ARHGAP29: variants seen among roughly 807,000 people sequenced by gnomAD.
ARHGAP29 encodes Rho GTPase activating protein 29.
A neutral mutation model predicts 122.6 loss-of-function variants in ARHGAP29; 43 were observed. The ratio of observed to expected loss-of-function variants is 0.35; its 90% CI spans 0.27 to 0.45. ARHGAP29 has a LOEUF of 0.45. ARHGAP29 is among the 20% of genes least tolerant of loss of function. The pLI, the probability that ARHGAP29 is intolerant of heterozygous loss-of-function variation, is 1.00. For synonymous variants in ARHGAP29, 506 were observed against 497.1 expected, an observed-to-expected ratio of 1.02 and a Z score of -0.24; for missense variants, 1,303 against 1,477.2, an observed-to-expected ratio of 0.88 and a Z score of 1.93.
chr1:94,217,834 G>A (rs987517782), intron 3 of ARHGAP29, among the ~76,000 whole-genome samples: 1 of 131,662 alleles, frequency 7.6e-6, no homozygotes, highest in African/African-American at 2.9e-5. Flanking sequence ...GGGCAACAGA[G>A]TGAGACCCTA....
At chr1:94,236,694 TAATTA>T (rs911072554) in intron 1 of ARHGAP29, among the ~76,000 whole-genome samples, 1 of 152,118 alleles carries the variant, frequency 6.6e-6, no homozygotes, top group African/African-American at 2.4e-5. Flanking sequence ...TTTTTTTTTT[TAATTA>T]AAACTGTCAA....
the ARHGAP29 span, among the ~76,000 whole-genome samples, chr1:94,313,488 G>A: frequency 1.3e-5 from 2 of 152,188 alleles, no homozygotes; most frequent in Non-Finnish European, 2.9e-5. Context: ...AACAACAGAT[G>A]CTGGAGAGGA....
rs1648744426 is a variant in ARHGAP29, at chr1:94,171,645, C to T, written c.*2224G>A. 1 of 152,222 alleles carries T rather than the reference C, an allele frequency of 6.6e-6. No individual in the cohort carries two copies. Among genetic ancestry groups the T allele is most frequent in the African/African-American group, 2.4e-5 (1 of 41,456 alleles). 9.4% of individuals were successfully genotyped at this position (152,222 alleles called of 1,614,324 possible). A position where few individuals can be genotyped will look rare whatever the true frequency, so the allele number is the denominator to read the frequency against. ...CAACCTCTTCTCAAGAGATACTTGC[C>T]TCAGGGCCCCAGGAAACTAGAAAGC... On this transcript the variant is annotated 3_prime_UTR_variant, in exon 23 of 23. Coordinates refer to ENST00000260526, the MANE Select transcript of ARHGAP29 (RefSeq NM_004815.4).
chr1:94,202,256 T>C (rs1650894683), intron 11 of ARHGAP29: 3 of 547,748 alleles, frequency 5.5e-6, no homozygotes, highest in Admixed American at 7.2e-5. Flanking sequence ...AACTTTCTTG[T>C]CAAGTAAAAT....
chr1:94,274,858 A>G (rs1355851792), intron 1 of ARHGAP29, among the ~76,000 whole-genome samples: 2 of 152,238 alleles, frequency 1.3e-5, no homozygotes, highest in Admixed American at 6.5e-5. Flanking sequence ...GGCCCTTTAC[A>G]GTCTCATGAA....
At chr1:94,213,340 C>T (rs1246112888) in intron 3 of ARHGAP29, among the ~76,000 whole-genome samples, 4 of 152,070 alleles carry the variant, frequency 2.6e-5, no homozygotes, top group African/African-American at 4.8e-5. Context: ...CCACCAGGCC[C>T]GGCCAATTTT....
At chr1:94,236,566 T>A (rs867129590) in intron 1 of ARHGAP29, among the ~76,000 whole-genome samples, 3 of 152,104 alleles carry the variant, frequency 2.0e-5, no homozygotes, top group Non-Finnish European at 2.9e-5. Context: ...CCGAAAACAT[T>A]TGGGGCCAAT....
At position 94,174,610 on chromosome 1, in the gene ARHGAP29, A is replaced by C. The variant is rs779093680; in HGVS notation, c.3045T>G (p.Ile1015Met). 27 of 1,614,170 alleles carry C rather than the reference A, an allele frequency of 1.7e-5. No homozygotes were observed. The highest frequency in any genetic ancestry group is 2.1e-5 in the Non-Finnish European group (25 of 1,180,032). ...NVERHTPRTKIRPVSLPVDRL... is the reference protein window; with the variant it reads ...NVERHTPRTKMRPVSLPVDRL... The stretch of plus-strand genomic sequence containing the variant: ...TATCTACAGGCAAACTTACAGGTCT[A>C]ATCTTGGTCCTTGGAGTATGCCTCT... Residue 1015 changes from isoleucine (I) to methionine (M), a missense_variant, in exon 23 of 23, where the codon ATT becomes ATG. Transcript: ENST00000260526.
chr1:94,272,204 C>T (rs1655017465), intron 1 of ARHGAP29, among the ~76,000 whole-genome samples: 1 of 152,180 alleles, frequency 6.6e-6, no homozygotes, highest in Non-Finnish European at 1.5e-5. Flanking sequence ...GTAAGAGAGA[C>T]TTAGCCTGGA....
At chr1:94,193,692 TGAA>T (rs1391081799) in intron 12 of ARHGAP29, 2 of 152,190 alleles carry the variant, frequency 1.3e-5, no homozygotes, top group African/African-American at 4.8e-5. Flanking sequence ...CTATATCCAG[TGAA>T]GGTGTCCTTC....
At chr1:94,239,335 T>C (rs1053273506), upstream of ARHGAP29, among the ~76,000 whole-genome samples, 3 of 152,144 alleles carry the variant, frequency 2.0e-5, no homozygotes, top group African/African-American at 7.2e-5. Flanking sequence ...AATATATTAT[T>C]TTGCACTTAT....
intron 1 of ARHGAP29, among the ~76,000 whole-genome samples, chr1:94,255,384 G>C (rs1654298590): frequency 6.6e-6 from 1 of 152,172 alleles, no homozygotes. Flanking sequence ...AATTTCTGTT[G>C]TTTAAGCCTC....
intron 1 of ARHGAP29, among the ~76,000 whole-genome samples, chr1:94,254,038 G>A (rs962123551): frequency 1.3e-5 from 2 of 152,190 alleles, no homozygotes; most frequent in African/African-American, 4.8e-5. Flanking sequence ...GGATTTAAAT[G>A]ATTTTATTCT....
chr1:94,202,464 C>A (rs775797047), intron 11 of ARHGAP29, 80 bp downstream of exon 11: 9 of 1,537,102 alleles, frequency 5.9e-6, no homozygotes, highest in Non-Finnish European at 6.2e-6. Flanking sequence ...GCAGTCTTGG[C>A]AGACGCAGAA....
chr1:94,293,786 C>T, the ARHGAP29 span, among the ~76,000 whole-genome samples: 6 of 152,174 alleles, frequency 3.9e-5, no homozygotes, highest in Admixed American at 1.3e-4. Flanking sequence ...CAGGAATTTC[C>T]GTGTTCAGCT....
At chr1:94,189,460 G>A in intron 13 of ARHGAP29, 108 bp from the exon 14 acceptor site, 11 of 1,274,316 alleles carry the variant, frequency 8.6e-6, no homozygotes, top group Non-Finnish European at 1.0e-5. Flanking sequence ...AATCATAGAA[G>A]AATTAAACTA....
chr1:94,237,287 C>A, intron 1 of ARHGAP29, 128 bp downstream of exon 1: 3 of 621,114 alleles, frequency 4.8e-6, no homozygotes, highest in Non-Finnish European at 6.0e-6. Context: ...CCTGCCACCG[C>A]TTCCACTCGG....
chr1:94,179,595 A>C, intron 20 of ARHGAP29, 130 bp downstream of exon 20: 1 of 191,418 alleles, frequency 5.2e-6, no homozygotes, highest in Non-Finnish European at 9.9e-6. Context: ...TCTGTCTCAA[A>C]AAAAAAAAAA....
intron 1 of ARHGAP29, among the ~76,000 whole-genome samples, chr1:94,264,915 C>T (rs1654703163): frequency 6.6e-6 from 1 of 152,212 alleles, no homozygotes; most frequent in African/African-American, 2.4e-5. Flanking sequence ...TCTGCCCTAG[C>T]TTTGCCCCTG....
Sources: allele counts gnomAD v4.1 joint callset (sites outside exome capture counted in the v4.1 genomes callset), GRCh38; gene constraint gnomAD v4.1.1; transcripts MANE v1.5; gene names NCBI Gene and HGNC (gene_info 2026-07-23, HGNC 2026-07-21).